SEPTIN9: variants seen among roughly 807,000 people sequenced by gnomAD.
SEPTIN9 encodes septin 9.
In SEPTIN9, 13 loss-of-function variants were observed where a neutral mutation model predicts 56.6. That is an observed-to-expected ratio of 0.23 (90% CI 0.15 to 0.37). SEPTIN9 has a LOEUF of 0.37. Ranked by LOEUF, SEPTIN9 falls within the 10% of genes least tolerant of loss-of-function variation. SEPTIN9 has a pLI of 1.00. For missense variants in SEPTIN9, 650 were observed against 823.1 expected, an observed-to-expected ratio of 0.79 and a Z score of 2.57; for synonymous variants, 332 against 334.1, an observed-to-expected ratio of 0.99 and a Z score of 0.07.
At chr17:77,376,637 A>G (rs1386396548) in intron 2 of SEPTIN9, 1 of 153,218 alleles carries the variant, frequency 6.5e-6, no homozygotes, top group Admixed American at 6.5e-5. Context: ...CAGGGCCCTG[A>G]TCAGGGTGTT....
At chr17:77,486,516 GTGTGTGCGCGCA>G (rs1033266110) in intron 4 of SEPTIN9, among the ~76,000 whole-genome samples, 5 of 92,084 alleles carry the variant, frequency 5.4e-5, no homozygotes, top group Middle Eastern at 7.7e-3. Flanking sequence ...GTGTGTGTGT[GTGTGTGCGCGCA>G]CGCGCGCGCG....
intron 2 of SEPTIN9, among the ~76,000 whole-genome samples, chr17:77,362,935 A>C (rs908247943): frequency 1.3e-5 from 2 of 152,236 alleles, no homozygotes; most frequent in African/African-American, 4.8e-5. Flanking sequence ...GGGGCCCACC[A>C]GGCAGAGGGA....
chr17:77,392,523 T>C lies in SEPTIN9; in HGVS notation c.77-9536T>C, dbSNP rs547086613. The stretch of plus-strand genomic sequence containing the variant: ...ATTGGGCCACGTGTGCAGATAAGCC[T>C]GGGCAGTCAGTAACCTTTGGCCACC... On this transcript the variant is annotated intron_variant, in intron 2 of 11. Transcript: ENST00000427177. Among the ~76,000 whole-genome samples, 465 of 151,454 alleles carry C rather than the reference T, an allele frequency of 3.1e-3. 2 individuals are homozygous for C. Among genetic ancestry groups the C allele is most frequent in the Non-Finnish European group, 5.1e-3 (348 of 67,948 alleles).
intron 3 of SEPTIN9, among the ~76,000 whole-genome samples, chr17:77,457,393 G>A (rs988462477): frequency 3.9e-5 from 6 of 152,156 alleles, no homozygotes; most frequent in African/African-American, 1.2e-4. Flanking sequence ...CCCTAGAGGC[G>A]CCCCATGTCC....
At chr17:77,391,011 C>T (rs951205608) in intron 2 of SEPTIN9, among the ~76,000 whole-genome samples, 2 of 152,162 alleles carry the variant, frequency 1.3e-5, no homozygotes, top group Non-Finnish European at 2.9e-5. Context: ...GCTGATGGGA[C>T]CGAGCAGGAG....
intron 3 of SEPTIN9, among the ~76,000 whole-genome samples, chr17:77,466,767 G>A (rs1162996658): frequency 6.6e-6 from 1 of 152,208 alleles, no homozygotes; most frequent in Non-Finnish European, 1.5e-5. Context: ...ATTTCAGAAG[G>A]CACAACTGAT....
chr17:77,424,014 G>A (rs1443505695), intron 3 of SEPTIN9, among the ~76,000 whole-genome samples: 3 of 152,188 alleles, frequency 2.0e-5, no homozygotes, highest in Admixed American at 6.5e-5. Flanking sequence ...TGCTTTGAGC[G>A]CTGAGCAGAT....
chr17:77,336,998 GTTTTTTTTTTT>G (rs61414789), intron 2 of SEPTIN9, among the ~76,000 whole-genome samples: 4 of 128,488 alleles, frequency 3.1e-5, no homozygotes, highest in Admixed American at 8.1e-5. Context: ...TTTGCCCCCC[GTTTTTTTTTTT>G]TTTTTTTTTA....
rs1406228301 is a variant in SEPTIN9, at chr17:77,330,006, C to A, written c.76+22809C>A. Among the ~76,000 whole-genome samples the A allele has an allele frequency of 1.3e-5, 2 of 152,168 alleles. No individual in the cohort carries two copies. The highest frequency in any genetic ancestry group is 1.3e-4 in the Admixed American group (2 of 15,278). On this transcript the variant is annotated intron_variant, in intron 2 of 11. Transcript: ENST00000427177. The surrounding 1 kb of genome is among the most constrained non-coding windows in gnomAD (Gnocchi z 4.4). Reference sequence around the variant, plus strand: ...GGCAACACAGTCGAGCTGCAGCCCCCGCTCCATCCCCAGCTGGGGCTCCCT... The same window carrying A: ...GGCAACACAGTCGAGCTGCAGCCCCAGCTCCATCCCCAGCTGGGGCTCCCT...
chr17:77,454,244 T>A (rs892767765), intron 3 of SEPTIN9: 12 of 985,556 alleles, frequency 1.2e-5, no homozygotes, highest in Non-Finnish European at 1.4e-5. Context: ...ACAGCCACTC[T>A]TTGGGGAAGA....
chr17:77,341,276 C>G (rs2033715879), intron 2 of SEPTIN9, among the ~76,000 whole-genome samples: 3 of 152,104 alleles, frequency 2.0e-5, no homozygotes, highest in Non-Finnish European at 4.4e-5. Flanking sequence ...CACTTGAACA[C>G]TTAGAGGCCA....
intron 3 of SEPTIN9, among the ~76,000 whole-genome samples, chr17:77,470,270 C>T (rs2038930794): frequency 6.6e-6 from 1 of 150,862 alleles, no homozygotes; most frequent in Non-Finnish European, 1.5e-5. Context: ...ACTCATCTGT[C>T]CATCCACTTA....
At chr17:77,391,500 A>G (rs2035538700) in intron 2 of SEPTIN9, among the ~76,000 whole-genome samples, 1 of 152,100 alleles carries the variant, frequency 6.6e-6, no homozygotes. Flanking sequence ...GATGCTCACC[A>G]TTGGATTTAG....
chr17:77,499,215 C>G lies in SEPTIN9; in HGVS notation c.*557C>G. The G allele has an allele frequency of 1.8e-6, 1 of 568,498 alleles. No individual in the cohort carries two copies. The highest frequency in any genetic ancestry group is 1.5e-5 in the South Asian group (1 of 67,920). 35.2% of individuals were successfully genotyped at this position (568,498 alleles called of 1,614,324 possible). A position where few individuals can be genotyped will look rare whatever the true frequency, so the allele number is the denominator to read the frequency against. ...CCCTGCTCCTAAGGGTAGAAAACTC[C>G]AGGGTCCCCTGCCACCGACTGCCCA... On this transcript the variant is annotated 3_prime_UTR_variant, in exon 12 of 12. Transcript: ENST00000427177.
intron 1 of SEPTIN9, among the ~76,000 whole-genome samples, chr17:77,295,445 C>T (rs1479688051): frequency 6.6e-6 from 1 of 152,070 alleles, no homozygotes; most frequent in Non-Finnish European, 1.5e-5. Flanking sequence ...GACCACCTCT[C>T]CTGCTGGAGA....
intron 1 of SEPTIN9, 63 bp downstream of exon 1, chr17:77,281,617 T>C: frequency 6.8e-7 from 1 of 1,474,668 alleles, no homozygotes; most frequent in Middle Eastern, 1.8e-4. Context: ...CTCACCTGAG[T>C]GCCTGCGGCC....
At position 77,421,382 on chromosome 17, in the gene SEPTIN9, C is replaced by G. The variant is rs759199329; in HGVS notation, c.721+18679C>G. Among the ~76,000 whole-genome samples the G allele has an allele frequency of 2.8e-4, 43 of 152,296 alleles. No individual in the cohort carries two copies. Among genetic ancestry groups the G allele is most frequent in the Non-Finnish European group, 5.3e-4 (36 of 68,030 alleles). On this transcript the variant is annotated intron_variant, in intron 3 of 11. Transcript: ENST00000427177. The surrounding 1 kb of genome is among the most constrained non-coding windows in gnomAD (Gnocchi z 4.6). ...AGCTCATCTTTCTCTGTCTCCTCCC[C>G]CTGCCGCCTCTCCCCACAAGACTGG...
chr17:77,286,866 C>G (rs1346856007), intron 1 of SEPTIN9, among the ~76,000 whole-genome samples: 1 of 152,184 alleles, frequency 6.6e-6, no homozygotes, highest in Non-Finnish European at 1.5e-5. Flanking sequence ...GAGAGAGGCT[C>G]CAGGCCCCTA....
chr17:77,438,501 G>A (rs1349054681), intron 3 of SEPTIN9, among the ~76,000 whole-genome samples: 2 of 152,146 alleles, frequency 1.3e-5, no homozygotes, highest in Admixed American at 6.5e-5. Context: ...TTAAAATAGG[G>A]AGATGATCCT....
Sources: gnomAD v4.1 joint callset for allele counts (sites outside exome capture counted in the v4.1 genomes callset) on GRCh38, gnomAD v4.1.1 for gene constraint, Gnocchi (gnomAD v3.1) non-coding constraint, MANE v1.5 for transcripts, NCBI Gene and HGNC (gene_info 2026-07-23, HGNC 2026-07-21) for gene names.